SNTG1: variants seen among roughly 807,000 people sequenced by gnomAD.
The protein encoded by SNTG1 is syntrophin gamma 1, also known as gamma-1-syntrophin.
SNTG1 carries 39 observed loss-of-function variants against 74.7 expected under a neutral mutation model. That is an observed-to-expected ratio of 0.52 (90% CI 0.40 to 0.68). The LOEUF (loss-of-function observed/expected upper bound fraction) is 0.68, where lower values mean the gene tolerates loss of function less well. SNTG1 is among the 30% of genes least tolerant of loss of function. The pLI, the probability that SNTG1 is intolerant of heterozygous loss-of-function variation, is 0.00. For missense variants in SNTG1, 685 were observed against 609.5 expected (o/e 1.12, Z -1.30); for synonymous variants, 254 against 217.1 (o/e 1.17, Z -1.49).
rs549213937 is a variant in SNTG1, at chr8:50,727,650, A to G, written c.1284+18672A>G. 2.0e-5 allele frequency among the ~76,000 whole-genome samples: 3 copies of G among 152,284 alleles called. No individual in the cohort carries two copies. In the East Asian group the frequency reaches 5.8e-4, roughly 29 times the overall value. ...TGCTGCTATGGCTGTTGTCAAGGCC[A>G]TAACTGACAAGCATCATCCCCTCCT... On this transcript the variant is annotated intron_variant, in intron 17 of 18. Transcript: ENST00000642720.
At chr8:50,572,140 G>T in intron 12 of SNTG1, among the ~76,000 whole-genome samples, 1 of 151,942 alleles carries the variant, frequency 6.6e-6, no homozygotes, top group East Asian at 1.9e-4. Flanking sequence ...GTGCTAGGTA[G>T]GTACACCTGC....
At chr8:50,110,403 G>A (rs769495153) in intron 1 of SNTG1, among the ~76,000 whole-genome samples, 3 of 152,118 alleles carry the variant, frequency 2.0e-5, no homozygotes, top group Non-Finnish European at 4.4e-5. Flanking sequence ...ACTCTCATCA[G>A]TGACCATCAT....
At chr8:49,938,608 TTTCTTTCTTTC>T (rs1309268541) in intron 1 of SNTG1, among the ~76,000 whole-genome samples, 2,823 of 50,732 alleles carry the variant, frequency 0.056, 130 homozygotes, top group African/African-American at 0.15. Flanking sequence ...TTTTCTTTTC[TTTCTTTCTTTC>T]TTTCTTTCTT....
At chr8:50,181,501 G>T (rs761499325) in intron 2 of SNTG1, among the ~76,000 whole-genome samples, 1 of 152,068 alleles carries the variant, frequency 6.6e-6, no homozygotes, top group Non-Finnish European at 1.5e-5. Context: ...AGTTTTTCAG[G>T]TGCTATTTCT....
intron 5 of SNTG1, among the ~76,000 whole-genome samples, chr8:50,447,642 A>AT (rs543026105): frequency 2.2e-3 from 335 of 152,346 alleles, no homozygotes; most frequent in African/African-American, 7.4e-3. Context: ...ACCAGACATT[A>AT]TTCCAGGCAC....
At chr8:50,706,801 T>C (rs1275277188) in intron 16 of SNTG1, among the ~76,000 whole-genome samples, 5 of 152,036 alleles carry the variant, frequency 3.3e-5, no homozygotes, top group African/African-American at 1.2e-4. Context: ...CCTTAACACG[T>C]TTTTCTTCTA....
intron 2 of SNTG1, among the ~76,000 whole-genome samples, chr8:50,250,788 G>T (rs141138740): frequency 6.6e-6 from 1 of 151,908 alleles, no homozygotes. Context: ...AAAGACCTTC[G>T]CAGACAAGCA....
chr8:50,042,257 G>A (rs1387246361), intron 1 of SNTG1, among the ~76,000 whole-genome samples: 4 of 152,028 alleles, frequency 2.6e-5, no homozygotes, highest in African/African-American at 7.3e-5. Context: ...CATTCCTACA[G>A]CAATCTATCT....
At chr8:49,917,928 T>G (rs1329150612) in intron 1 of SNTG1, among the ~76,000 whole-genome samples, 1 of 151,920 alleles carries the variant, frequency 6.6e-6, no homozygotes, top group African/African-American at 2.4e-5. Context: ...AAATAGAGAA[T>G]TTTGTGTGAA....
chr8:50,086,130 T>C (rs1586203633), intron 1 of SNTG1, among the ~76,000 whole-genome samples: 1 of 152,186 alleles, frequency 6.6e-6, no homozygotes, highest in Non-Finnish European at 1.5e-5. Flanking sequence ...TGGAACACTG[T>C]GCAGCAGAAG....
intron 18 of SNTG1, among the ~76,000 whole-genome samples, chr8:50,769,234 ATTAACTGC>A (rs1044028808): frequency 2.0e-5 from 3 of 152,010 alleles, no homozygotes; most frequent in African/African-American, 7.2e-5. Context: ...AAACAAATAT[ATTAACTGC>A]CTCCAAAATA....
intron 1 of SNTG1, among the ~76,000 whole-genome samples, chr8:49,930,376 A>C (rs1170784833): frequency 6.6e-6 from 1 of 152,152 alleles, no homozygotes; most frequent in Non-Finnish European, 1.5e-5. Flanking sequence ...GAATCATACT[A>C]TAACCTCAAT....
intron 2 of SNTG1, among the ~76,000 whole-genome samples, chr8:50,298,139 C>G (rs1045915462): frequency 1.3e-5 from 2 of 152,042 alleles, no homozygotes; most frequent in African/African-American, 4.8e-5. Flanking sequence ...GGCAATGAAA[C>G]TTTTCTTATC....
intron 8 of SNTG1, among the ~76,000 whole-genome samples, chr8:50,489,964 G>T (rs1335831798): frequency 6.6e-6 from 1 of 152,116 alleles, no homozygotes; most frequent in Non-Finnish European, 1.5e-5. Context: ...TAAGCAAGGG[G>T]TCCAGTTTCA....
chr8:50,458,498 T>C (rs1331553057), intron 8 of SNTG1, among the ~76,000 whole-genome samples: 1 of 152,020 alleles, frequency 6.6e-6, no homozygotes, highest in African/African-American at 2.4e-5. Flanking sequence ...ATTTTTACAC[T>C]GAACCAATGG....
intron 2 of SNTG1, among the ~76,000 whole-genome samples, chr8:50,251,939 C>T (rs545171436): frequency 7.2e-4 from 110 of 152,060 alleles, no homozygotes; most frequent in Middle Eastern, 6.8e-3. Context: ...GGAACATTCT[C>T]GAGGGTAGAT....
chr8:50,120,050 T>A (rs1408837053), intron 1 of SNTG1, among the ~76,000 whole-genome samples: 1 of 141,934 alleles, frequency 7.0e-6, no homozygotes, highest in Non-Finnish European at 1.6e-5. Flanking sequence ...TCTTCCTGAG[T>A]TAAAAATGTA....
chr8:50,730,013 C>T (rs1011207514), intron 17 of SNTG1, among the ~76,000 whole-genome samples: 1 of 151,656 alleles, frequency 6.6e-6, no homozygotes, highest in African/African-American at 2.4e-5. Flanking sequence ...ACACGGACTG[C>T]GATGCTAAAA....
intron 1 of SNTG1, among the ~76,000 whole-genome samples, chr8:50,153,585 C>A (rs568863346): frequency 6.6e-6 from 1 of 152,018 alleles, no homozygotes; most frequent in South Asian, 2.1e-4. Context: ...GGTTTTGGTG[C>A]GGATGTCCTT....
Sources: gnomAD v4.1 joint callset for allele counts (sites outside exome capture counted in the v4.1 genomes callset) on GRCh38, gnomAD v4.1.1 for gene constraint, MANE v1.5 for transcripts, NCBI Gene and HGNC (gene_info 2026-07-23, HGNC 2026-07-21) for gene names.